The following TULP3 variants were observed in gnomAD, a reference collection of about 807,000 sequenced individuals.
The protein encoded by TULP3 is TUB like protein 3.
A neutral mutation model predicts 50.7 loss-of-function variants in TULP3; 38 were observed. That is an observed-to-expected ratio of 0.75 (90% CI 0.58 to 0.98). The LOEUF (loss-of-function observed/expected upper bound fraction) is 0.98. TULP3 is among the 50% of genes least tolerant of loss of function. The probability of loss-of-function intolerance (pLI) is 0.00; values close to 1 mark genes in which losing one functional copy is unlikely to be tolerated. For missense variants in TULP3, 550 were observed against 568.0 expected, an observed-to-expected ratio of 0.97 and a Z score of 0.32; for synonymous variants, 183 against 196.6, an observed-to-expected ratio of 0.93 and a Z score of 0.58.
chr12:2,922,270 G>T lies in TULP3; in HGVS notation c.262G>T (p.Gly88Cys). The T allele has an allele frequency of 6.2e-7, 1 of 1,611,014 alleles. No individual in the cohort carries two copies. Among genetic ancestry groups the T allele is most frequent in the East Asian group, 2.2e-5 (1 of 44,866 alleles). The change falls in exon 4 of 11, where the codon GGT becomes TGT. Residue 88 changes from glycine (G) to cysteine (C), a missense_variant. Coordinates refer to ENST00000448120, the MANE Select transcript of TULP3 (RefSeq NM_003324.5). ...HSNVILHGID[G>C]PAAVLKPDEV... Reference sequence around the variant, plus strand: ...TTTATTTTGGCCCTTAGGTATTGATGGTCCAGCTGCTGTCCTGAAACCAGA... The same window carrying T: ...TTTATTTTGGCCCTTAGGTATTGATTGTCCAGCTGCTGTCCTGAAACCAGA...
intron 6 of TULP3, 30 bp downstream of exon 6, chr12:2,931,270 T>C (rs752334326): frequency 1.2e-6 from 2 of 1,605,234 alleles, no homozygotes; most frequent in Non-Finnish European, 1.7e-6. Context: ...AGAAAACTCT[T>C]GAGAGAGAGA....
intron 4 of TULP3, among the ~76,000 whole-genome samples, chr12:2,927,309 A>G (rs779474255): frequency 3.6e-4 from 54 of 151,344 alleles, no homozygotes; most frequent in Non-Finnish European, 6.9e-4. Context: ...GTTAGGAATA[A>G]TGTTGTTATC....
chr12:2,905,585 A>T (rs989716931), intron 1 of TULP3, among the ~76,000 whole-genome samples: 1 of 152,190 alleles, frequency 6.6e-6, no homozygotes, highest in Non-Finnish European at 1.5e-5. Flanking sequence ...CTTTTGATAT[A>T]TAGGAGACTT....
rs141926328 is a variant in TULP3 at position 2,934,558 on chromosome 12, C to T, written c.921C>T (p.Ser307=). The change falls in exon 8 of 11, where the codon TCC becomes TCT. Residue 307 remains serine, a synonymous_variant. Coordinates refer to ENST00000448120, the MANE Select transcript of TULP3 (RefSeq NM_003324.5). ...AHTRQELAAI[S]YETNVLGFKG... Reference sequence around the variant, plus strand: ...CCCGGCAGGAGCTGGCTGCCATCTCCTATGTGAGTGCTGCTTTCCCAGGGC... The same window carrying T: ...CCCGGCAGGAGCTGGCTGCCATCTCTTATGTGAGTGCTGCTTTCCCAGGGC... 2.8e-4 allele frequency: 441 copies of T among 1,575,232 alleles called. 1 individual carries two copies. The highest frequency in any genetic ancestry group is 3.4e-4 in the Non-Finnish European group (397 of 1,161,876).
At chr12:2,924,698 A>AG (rs2098193686) in intron 4 of TULP3, among the ~76,000 whole-genome samples, 1 of 149,286 alleles carries the variant, frequency 6.7e-6, no homozygotes, top group Non-Finnish European at 1.5e-5. Context: ...TAAAAAAAAA[A>AG]AAAAATTGGG....
intron 1 of TULP3, among the ~76,000 whole-genome samples, chr12:2,892,731 C>T (rs1300882427): frequency 1.3e-5 from 2 of 152,014 alleles, no homozygotes; most frequent in African/African-American, 4.8e-5. Context: ...AAGATGGTCT[C>T]GATTTCTTGA....
chr12:2,912,124 G>T (rs934306445), intron 2 of TULP3, among the ~76,000 whole-genome samples: 1 of 152,200 alleles, frequency 6.6e-6, no homozygotes, highest in African/African-American at 2.4e-5. Flanking sequence ...ACATAATGAA[G>T]AAAACATTGG....
Position 2,939,337 on chromosome 12 carries a change from C to G in TULP3, c.1222C>G (p.Arg408Gly). The G allele has an allele frequency of 6.2e-7, 1 of 1,614,212 alleles. No individual in the cohort carries two copies. The highest frequency in any genetic ancestry group is 8.5e-7 in the Non-Finnish European group (1 of 1,180,032). ...DPDYIVMQFGRVADDVFTLDY... is the reference protein window; with the variant it reads ...DPDYIVMQFGGVADDVFTLDY... Reference sequence around the variant, plus strand: ...TGATTATATAGTCATGCAGTTTGGACGTGTGGCAGATGACGTGTTCACACT... The same window carrying G: ...TGATTATATAGTCATGCAGTTTGGAGGTGTGGCAGATGACGTGTTCACACT... Residue 408 changes from arginine (R) to glycine (G), a missense_variant, in exon 11 of 11, where the codon CGT (arginine) becomes GGT (glycine). By Grantham distance (125) the Arg-to-Gly change is moderately radical. Coordinates refer to ENST00000448120, the MANE Select transcript of TULP3 (RefSeq NM_003324.5). This position sits in a 1 kb window ranked among gnomAD's most constrained non-coding sequence, Gnocchi z 4.0.
At chr12:2,908,467 C>T (rs760224324) in intron 1 of TULP3, among the ~76,000 whole-genome samples, 5 of 152,166 alleles carry the variant, frequency 3.3e-5, no homozygotes, top group Non-Finnish European at 5.9e-5. Flanking sequence ...TAGTCTCACC[C>T]TGTCGCCCAG....
chr12:2,930,199 C>A, intron 4 of TULP3, 49 bp from the exon 5 acceptor site: 2 of 1,291,544 alleles, frequency 1.5e-6, no homozygotes, highest in Non-Finnish European at 2.2e-6. Context: ...TTTCAAAGAC[C>A]TTTTTTAAAC....
In TULP3 at chr12:2,902,576, G is replaced by A. The variant is rs188064717; in HGVS notation, c.42-6953G>A. 3.2e-3 allele frequency among the ~76,000 whole-genome samples: 482 copies of A among 152,240 alleles called. 3 individuals are homozygous for A. Among genetic ancestry groups the A allele is most frequent in the African/African-American group, 0.011 (463 of 41,538 alleles). Reference sequence around the variant, plus strand: ...ATAGATTTTGTGTTACTGGCAGCTCGAAAAATTTACACTTAACAGGCTGAG... The same window carrying A: ...ATAGATTTTGTGTTACTGGCAGCTCAAAAAATTTACACTTAACAGGCTGAG... On this transcript the variant is annotated intron_variant, in intron 1 of 10. Coordinates refer to ENST00000448120, the MANE Select transcript of TULP3 (RefSeq NM_003324.5).
chr12:2,903,298 C>T (rs1026046999), intron 1 of TULP3, among the ~76,000 whole-genome samples: 4 of 151,782 alleles, frequency 2.6e-5, no homozygotes, highest in Admixed American at 6.6e-5. Flanking sequence ...CACGGTGGCT[C>T]ATGCCTGTAA....
chr12:2,915,259 G>A (rs912751604), intron 2 of TULP3, among the ~76,000 whole-genome samples: 1 of 152,118 alleles, frequency 6.6e-6, no homozygotes, highest in Non-Finnish European at 1.5e-5. Context: ...CAAAATGCTG[G>A]GATTACAGGC....
Position 2,920,953 on chromosome 12 carries a change from G to A in TULP3, c.253+31G>A, listed in dbSNP as rs199601573. The A allele has an allele frequency of 7.1e-5, 114 of 1,609,876 alleles. No individual in the cohort carries two copies. The East Asian group carries it at 2.4e-3, about 34-fold the overall frequency. The stretch of plus-strand genomic sequence containing the variant: ...TATTTAGGCAGCATCACTTCCTAGT[G>A]GGGTACAATTTTCACAAACCTAGAA... On this transcript the variant is annotated intron_variant, in intron 3 of 10. Coordinates refer to ENST00000448120, the MANE Select transcript of TULP3 (RefSeq NM_003324.5).
At chr12:2,912,108 A>G (rs2098186038) in intron 2 of TULP3, among the ~76,000 whole-genome samples, 1 of 152,224 alleles carries the variant, frequency 6.6e-6, no homozygotes, top group Non-Finnish European at 1.5e-5. Flanking sequence ...CAACAAAGGC[A>G]GCACCACATA....
chr12:2,913,521 C>T, intron 2 of TULP3, among the ~76,000 whole-genome samples: 1 of 152,162 alleles, frequency 6.6e-6, no homozygotes, highest in East Asian at 1.9e-4. Context: ...TCCTCTGCCT[C>T]CCAAAGTGCT....
In TULP3 at chr12:2,940,345, A is replaced by C; in HGVS notation, c.*901A>C. The C allele has an allele frequency of 2.1e-6, 3 of 1,447,140 alleles. No homozygotes were observed. The highest frequency in any genetic ancestry group is 1.8e-6 in the Non-Finnish European group (2 of 1,104,082). 89.6% of individuals were successfully genotyped at this position (1,447,140 alleles called of 1,614,324 possible). On this transcript the variant is annotated 3_prime_UTR_variant, in exon 11 of 11. Transcript: ENST00000448120. ...TTAAAAAAAAAAAAAAAAAGGTGGC[A>C]GGAGAGGCTTTGGGGAGGATCAGCC...
intron 4 of TULP3, among the ~76,000 whole-genome samples, chr12:2,927,946 C>A (rs897251661): frequency 6.6e-6 from 1 of 152,118 alleles, no homozygotes. Flanking sequence ...TCTTCCTGAG[C>A]CTGTACTCCC....
Position 2,940,521 on chromosome 12 carries a change from C to A in TULP3, c.*1077C>A, listed in dbSNP as rs2098204149. On this transcript the variant is annotated 3_prime_UTR_variant, in exon 11 of 11. Coordinates refer to ENST00000448120, the MANE Select transcript of TULP3 (RefSeq NM_003324.5). The stretch of plus-strand genomic sequence containing the variant: ...TTATGTGACTCTTACACCAGTTCAC[C>A]CTTCCCAGAATGTATCCAAACCTTG... 1 of 1,542,760 alleles carries A rather than the reference C, an allele frequency of 6.5e-7. No individual in the cohort carries two copies. Among genetic ancestry groups the A allele is most frequent in the Admixed American group, 2.0e-5 (1 of 49,722 alleles).
Sources: gnomAD v4.1 joint callset for allele counts (sites outside exome capture counted in the v4.1 genomes callset) on GRCh38, gnomAD v4.1.1 for gene constraint, Gnocchi (gnomAD v3.1) non-coding constraint, MANE v1.5 for transcripts, NCBI Gene and HGNC (gene_info 2026-07-23, HGNC 2026-07-21) for gene names.